Variants in MSH3 observed in about 807,000 individuals in gnomAD.
MSH3 encodes the protein mutS homolog 3, also known as DNA mismatch repair protein Msh3.
MSH3 carries 106 observed loss-of-function variants against 123.3 expected under a neutral mutation model. The ratio of observed to expected loss-of-function variants is 0.86; its 90% CI spans 0.73 to 1.01. The LOEUF is 1.01. Ranked by LOEUF, MSH3 falls within the 50% of genes least tolerant of loss-of-function variation. The probability of loss-of-function intolerance (pLI) is 0.00; values close to 1 mark genes in which losing one functional copy is unlikely to be tolerated. For missense variants in MSH3, 1,459 were observed against 1,347.6 expected, an observed-to-expected ratio of 1.08 and a Z score of -1.29; for synonymous variants, 515 against 481.4, an observed-to-expected ratio of 1.07 and a Z score of -0.91.
intron 20 of MSH3, among the ~76,000 whole-genome samples, chr5:80,830,212 A>C (rs572754587): frequency 1.3e-5 from 2 of 151,860 alleles, no homozygotes; most frequent in Admixed American, 6.6e-5. Flanking sequence ...TTGATTTTCT[A>C]TTTCCAATTT....
intron 10 of MSH3, among the ~76,000 whole-genome samples, chr5:80,738,052 A>G (rs1439891157): frequency 6.6e-6 from 1 of 152,234 alleles, no homozygotes; most frequent in Non-Finnish European, 1.5e-5. Flanking sequence ...AACCACACAC[A>G]CAACACATTA....
intron 19 of MSH3, among the ~76,000 whole-genome samples, chr5:80,805,670 A>G (rs34293007): frequency 0.2 from 27,115 of 137,254 alleles, 2,604 homozygotes; most frequent in African/African-American, 0.27. Context: ...TCTTGGCTCA[A>G]TGCAACCTCT....
intron 2 of MSH3, among the ~76,000 whole-genome samples, chr5:80,658,444 ACAT>A (rs1749347860): frequency 6.6e-6 from 1 of 152,212 alleles, no homozygotes. Context: ...AACTAAGACC[ACAT>A]GGGGACAGTT....
intron 8 of MSH3, among the ~76,000 whole-genome samples, chr5:80,685,136 T>A (rs1226010142): frequency 6.6e-6 from 1 of 151,910 alleles, no homozygotes; most frequent in Admixed American, 6.6e-5. Flanking sequence ...TTATTTGATA[T>A]GAATTTGTCT....
intron 15 of MSH3, among the ~76,000 whole-genome samples, chr5:80,775,117 A>G (rs1251535320): frequency 6.6e-6 from 1 of 152,146 alleles, no homozygotes; most frequent in African/African-American, 2.4e-5. Context: ...AAAAGATACT[A>G]TGGTTCATAT....
chr5:80,839,156 G>A (rs6151907), intron 20 of MSH3, among the ~76,000 whole-genome samples: 21,486 of 151,958 alleles, frequency 0.14, 1,561 homozygotes, highest in East Asian at 0.24. Flanking sequence ...CACTTGAGGC[G>A]AGGAGTTTGA....
intron 20 of MSH3, among the ~76,000 whole-genome samples, chr5:80,824,095 T>C (rs2112069578): frequency 6.6e-6 from 1 of 152,378 alleles, no homozygotes; most frequent in East Asian, 1.9e-4. Flanking sequence ...TGTCTACTTC[T>C]TTCTACACAG....
chr5:80,875,716 A>C (rs369764825), intron 23 of MSH3, 35 bp from the exon 24 acceptor site: 1 of 1,244,290 alleles, frequency 8.0e-7, no homozygotes, highest in African/African-American at 1.5e-5. Flanking sequence ...CAGCAATTTC[A>C]TTTATTAAAT....
At chr5:80,723,389 A>T (rs942802617) in intron 8 of MSH3, among the ~76,000 whole-genome samples, 2 of 152,314 alleles carry the variant, frequency 1.3e-5, no homozygotes, top group African/African-American at 4.8e-5. Context: ...GTAACATTAT[A>T]AATCATCAGG....
chr5:80,659,384 A>T (rs1328768638), intron 2 of MSH3, among the ~76,000 whole-genome samples: 2 of 152,198 alleles, frequency 1.3e-5, no homozygotes, highest in East Asian at 1.9e-4. Context: ...CCCTGTGCCC[A>T]TTAACAGCCA....
At chr5:80,766,468 C>T (rs1462600042) in intron 13 of MSH3, among the ~76,000 whole-genome samples, 1 of 151,572 alleles carries the variant, frequency 6.6e-6, no homozygotes, top group Non-Finnish European at 1.5e-5. Flanking sequence ...GCCTCGCCAC[C>T]TGAGTCACTG....
At chr5:80,680,753 G>T (rs1458108385) in intron 8 of MSH3, among the ~76,000 whole-genome samples, 1 of 151,776 alleles carries the variant, frequency 6.6e-6, no homozygotes, top group African/African-American at 2.4e-5. Context: ...TCTCTCCCTT[G>T]ATTATTGGCT....
Position 80,873,256 on chromosome 5 carries a change from A to G in MSH3, c.3271A>G (p.Lys1091Glu), listed in dbSNP as rs1746253572. 1 of 1,613,984 alleles carries G rather than the reference A, an allele frequency of 6.2e-7. No homozygotes were observed. Among genetic ancestry groups the G allele is most frequent in the Middle Eastern group, 1.7e-4 (1 of 6,056 alleles). The change falls in exon 23 of 24, where the codon AAA becomes GAA. Residue 1091 changes from lysine (K) to glutamate (E), a missense_variant. By Grantham distance (56) the Lys-to-Glu change is moderately conservative. Coordinates refer to ENST00000265081, the MANE Select transcript of MSH3 (RefSeq NM_002439.5). ...EILKKAAHKSKELEGLINTKR... is the reference protein window; with the variant it reads ...EILKKAAHKSEELEGLINTKR... ...TTTGAAGAAAGCAGCTCACAAGTCAAAAGAGCTGGAAGGATTAATAAATAC... is the reference window on the plus strand; with the variant it reads ...TTTGAAGAAAGCAGCTCACAAGTCAGAAGAGCTGGAAGGATTAATAAATAC...
At chr5:80,720,122 AT>A (rs1751050095) in intron 8 of MSH3, among the ~76,000 whole-genome samples, 2 of 152,248 alleles carry the variant, frequency 1.3e-5, no homozygotes, top group African/African-American at 4.8e-5. Context: ...TCTTAAATAC[AT>A]TACTCTATTG....
chr5:80,814,252 T>C (rs1414489561), intron 20 of MSH3, among the ~76,000 whole-genome samples: 1 of 152,042 alleles, frequency 6.6e-6, no homozygotes, highest in Non-Finnish European at 1.5e-5. Context: ...TTTTTAATTA[T>C]TGAGTTATTT....
chr5:80,767,785 G>T, intron 13 of MSH3, 148 bp from the exon 14 acceptor site: 2 of 641,480 alleles, frequency 3.1e-6, no homozygotes, highest in Non-Finnish European at 5.4e-6. Context: ...ACCTCATTTA[G>T]AAAATATCAG....
At chr5:80,680,670 T>C (rs1261850198) in intron 8 of MSH3, among the ~76,000 whole-genome samples, 3 of 151,930 alleles carry the variant, frequency 2.0e-5, no homozygotes, top group African/African-American at 7.2e-5. Flanking sequence ...TGTCATGAAC[T>C]CCTGTCACTC....
chr5:80,741,315 A>C, intron 10 of MSH3, 149 bp from the exon 11 acceptor site: 1 of 656,608 alleles, frequency 1.5e-6, no homozygotes, highest in Non-Finnish European at 2.8e-6. Flanking sequence ...CAACAGCCTG[A>C]TGAATTTTCA....
At chr5:80,758,067 A>T (rs957730765) in intron 12 of MSH3, among the ~76,000 whole-genome samples, 1 of 152,132 alleles carries the variant, frequency 6.6e-6, no homozygotes, top group Admixed American at 6.5e-5. Context: ...GTGCTTTCTC[A>T]ATGCAACCTA....
Sources: allele counts gnomAD v4.1 joint callset (sites outside exome capture counted in the v4.1 genomes callset), GRCh38; gene constraint gnomAD v4.1.1; transcripts MANE v1.5; gene names NCBI Gene and HGNC (gene_info 2026-07-23, HGNC 2026-07-21).